GBP5: variants seen among roughly 807,000 people sequenced by gnomAD.
GBP5 encodes guanylate binding protein 5, also known as guanylate-binding protein 5.
GBP5 carries 48 observed loss-of-function variants against 58.2 expected under a neutral mutation model. That is an observed-to-expected ratio of 0.83 (90% CI 0.65 to 1.05). GBP5 has a LOEUF of 1.05. Ranked by LOEUF, GBP5 falls within the 50% of genes least tolerant of loss-of-function variation. The pLI, the probability that GBP5 is intolerant of heterozygous loss-of-function variation, is 0.00. For missense variants in GBP5, 714 were observed against 686.8 expected (o/e 1.04, Z -0.44); for synonymous variants, 248 against 251.8 (o/e 0.98, Z 0.14).
chr1:89,268,673 C>T lies in GBP5; in HGVS notation c.318+56G>A. 23 of 1,581,840 alleles carry T rather than the reference C, an allele frequency of 1.5e-5. 1 individual carries two copies. In the South Asian group the frequency reaches 2.5e-4, roughly 17 times the overall value. Reference sequence around the variant, plus strand: ...ATTTAGAAAAATAAACCTAAAATCTCCCTGTGAAAAGACAGTTCAGAGATT... The same window carrying T: ...ATTTAGAAAAATAAACCTAAAATCTTCCTGTGAAAAGACAGTTCAGAGATT... On this transcript the variant is annotated intron_variant, in intron 4 of 11. Transcript: ENST00000370459.
chr1:89,269,672 C>T (rs1351975093), intron 2 of GBP5, 98 bp from the exon 3 acceptor site: 4 of 697,896 alleles, frequency 5.7e-6, no homozygotes, highest in Middle Eastern at 3.4e-4. Flanking sequence ...ATACTACTCC[C>T]CAGCACTGCC....
chr1:89,265,247 GAGA>G (rs1350181850), intron 7 of GBP5, among the ~76,000 whole-genome samples: 1 of 152,154 alleles, frequency 6.6e-6, no homozygotes, highest in Admixed American at 6.5e-5. Context: ...ATGGAGAAAT[GAGA>G]AGATGATCAT....
chr1:89,264,936 T>C lies in GBP5; in HGVS notation c.899A>G (p.Asn300Ser), dbSNP rs1650153379. The part of the protein sequence containing the change: ...RLKNLVLTYV[N>S]AISSGDLPCI... ...AGGCAGATCCCCACTGCTGATGGCA[T>C]TGACATAGGTCAGCACCAGGTTCTT... Residue 300 changes from asparagine (N) to serine (S), a missense_variant, in exon 8 of 12, where the codon AAT becomes AGT. By Grantham distance (46) the Asn-to-Ser change is conservative. Transcript: ENST00000370459. The C allele has an allele frequency of 1.2e-6, 2 of 1,614,160 alleles. No homozygotes were observed. Among genetic ancestry groups the C allele is most frequent in the Non-Finnish European group, 1.7e-6 (2 of 1,179,972 alleles).
intron 2 of GBP5, chr1:89,270,281 T>A (rs1192224391): frequency 2.6e-5 from 4 of 152,300 alleles, no homozygotes; most frequent in African/African-American, 2.4e-5. Context: ...TTAAAAAAAA[T>A]GTTTGAGCTA....
intron 11 of GBP5, 149 bp downstream of exon 11, chr1:89,262,071 C>T: frequency 1.4e-6 from 1 of 715,762 alleles, no homozygotes; most frequent in Non-Finnish European, 2.4e-6. Context: ...CATATACTTA[C>T]TAAGAGGTGG....
At chr1:89,265,691 G>A (rs533557723) in intron 7 of GBP5, among the ~76,000 whole-genome samples, 2 of 132,552 alleles carry the variant, frequency 1.5e-5, no homozygotes, top group African/African-American at 5.9e-5. Context: ...TCGTGCCACT[G>A]CACTCCAGCC....
rs1259352877 is a variant in GBP5, at chr1:89,266,961, C to T, written c.621G>A (p.Lys207=). Residue 207 remains lysine, a synonymous_variant, in exon 6 of 12, where the codon AAG becomes AAA. Transcript: ENST00000370459. The part of the protein sequence containing the change: ...DEYLENSLRP[K]QGSDQRVQNF... ...TAAAACTGAAGTCCCTGTTACCTTG[C>T]TTTGGCCTTAGGGAATTCTCCAGGT... The T allele has an allele frequency of 6.3e-7, 1 of 1,595,244 alleles. No individual in the cohort carries two copies.
At chr1:89,262,866 A>G (rs1042731396) in intron 9 of GBP5, 81 bp from the exon 10 acceptor site, 2 of 852,632 alleles carry the variant, frequency 2.3e-6, no homozygotes, top group African/African-American at 1.7e-5. Context: ...TGTTCCTTCC[A>G]GCAGCATCTA....
intron 5 of GBP5, 54 bp from the exon 6 acceptor site, chr1:89,267,207 C>G: frequency 7.0e-7 from 1 of 1,421,486 alleles, no homozygotes; most frequent in Middle Eastern, 1.9e-4. Context: ...TAAACCCATA[C>G]TTAATTCCAT....
rs903153247 is a variant in GBP5, at chr1:89,258,490, T to C, written c.*2214A>G. 1.3e-5 allele frequency among the ~76,000 whole-genome samples: 2 copies of C among 152,220 alleles called. No individual in the cohort carries two copies. Among genetic ancestry groups the C allele is most frequent in the Non-Finnish European group, 2.9e-5 (2 of 68,046 alleles). The stretch of plus-strand genomic sequence containing the variant: ...AGGGTATTGCTAGACAAATGCTCAG[T>C]TGAATATGCTGGTACCTTCTGAACT... On this transcript the variant is annotated 3_prime_UTR_variant, in exon 12 of 12. Transcript: ENST00000370459.
intron 11 of GBP5, 68 bp from the exon 12 acceptor site, chr1:89,260,885 T>C: frequency 1.8e-6 from 2 of 1,109,970 alleles, no homozygotes; most frequent in Admixed American, 3.5e-5. Context: ...CACTTGTCCT[T>C]ACTTCTTTTC....
intron 3 of GBP5, 116 bp from the exon 4 acceptor site, chr1:89,268,972 C>A: frequency 2.9e-6 from 3 of 1,027,074 alleles, no homozygotes; most frequent in South Asian, 3.0e-5. Context: ...GAATGTACAA[C>A]CAGTATTGAT....
Position 89,257,510 on chromosome 1 carries a change from A to G in GBP5, c.*3194T>C, listed in dbSNP as rs1020185301. Among the ~76,000 whole-genome samples the G allele has an allele frequency of 2.0e-5, 3 of 152,194 alleles. No homozygotes were observed. Among genetic ancestry groups the G allele is most frequent in the African/African-American group, 7.2e-5 (3 of 41,440 alleles). On this transcript the variant is annotated 3_prime_UTR_variant, in exon 12 of 12. Transcript: ENST00000370459. ...TTATTAATGTGGGTTCTAAATTCAA[A>G]AGGCCTTCTGTGGTACTGACCTTAA...
intron 4 of GBP5, among the ~76,000 whole-genome samples, chr1:89,267,894 A>T (rs1029251722): frequency 6.6e-6 from 1 of 152,242 alleles, no homozygotes; most frequent in African/African-American, 2.4e-5. Flanking sequence ...ATTCTAAAAA[A>T]TAGTGCTGTG....
intron 6 of GBP5, 88 bp from the exon 7 acceptor site, chr1:89,266,676 G>A (rs964619279): frequency 4.1e-6 from 5 of 1,225,086 alleles, no homozygotes; most frequent in Non-Finnish European, 5.8e-6. Flanking sequence ...TCCACCTGAT[G>A]TCACTTAGAT....
rs909818619 is a variant in GBP5 at position 89,257,295 on chromosome 1, A to G, written c.*3409T>C. ...CAGGGGAATTGCCCTTTATGAAGCC[A>G]TCAGATCTCAGGCGACTTATTCACT... On this transcript the variant is annotated 3_prime_UTR_variant, in exon 12 of 12. Coordinates refer to ENST00000370459, the MANE Select transcript of GBP5 (RefSeq NM_052942.5). Among the ~76,000 whole-genome samples, 2 of 152,186 alleles carry G rather than the reference A, an allele frequency of 1.3e-5. No homozygotes were observed. The highest frequency in any genetic ancestry group is 2.9e-5 in the Non-Finnish European group (2 of 68,038).
In GBP5 at chr1:89,269,563, A is replaced by G. The variant is rs1650364480; in HGVS notation, c.-8T>C. On this transcript the variant is annotated 5_prime_UTR_variant, in exon 3 of 12. Transcript: ENST00000370459. ...GTGGATCTCTAAAGCCATGTCTAGG[A>G]TGTTACTTTGCCTGCAAGGGAACAG... is the stretch of plus-strand genomic sequence containing the variant. 1.2e-6 allele frequency: 2 copies of G among 1,604,908 alleles called. No homozygotes were observed. The highest frequency in any genetic ancestry group is 1.7e-6 in the Non-Finnish European group (2 of 1,172,494).
rs1352767657 is a variant in GBP5 at position 89,260,757 on chromosome 1, G to T, written c.1708C>A (p.Leu570Ile). ...TTAACAGTCCTCTGGGCGTGCTGGA[G>T]CTCACTGAGAAGGCTTCTATTTTGA... Reference protein sequence around the residue: ...QAQNRSLLSELQHAQRTVNND... With the variant: ...QAQNRSLLSEIQHAQRTVNND... Residue 570 changes from leucine to isoleucine, a missense_variant, in exon 12 of 12, where the codon CTC (leucine) becomes ATC (isoleucine). By Grantham distance (5) the Leu-to-Ile change is conservative (BLOSUM62 2). Transcript: ENST00000370459. 6.2e-7 allele frequency: 1 copy of T among 1,613,948 alleles called. No homozygotes were observed. The highest frequency in any genetic ancestry group is 8.5e-7 in the Non-Finnish European group (1 of 1,179,958).
chr1:89,266,417 T>G lies in GBP5; in HGVS notation c.797A>C (p.Glu266Ala). Residue 266 changes from glutamate to alanine, a missense_variant, in exon 7 of 12, where the codon GAA (glutamate) becomes GCA (alanine). Glu to Ala is a moderately radical substitution (Grantham distance 107, BLOSUM62 -1). Coordinates refer to ENST00000370459, the MANE Select transcript of GBP5 (RefSeq NM_052942.5). ...LEPEFVQQVT[E>A]FCSYIFSHSM... The stretch of plus-strand genomic sequence containing the variant: ...ATGGCTAAAGATGTAGGAACAGAAT[T>G]CTGTCACTTGTTGCACAAATTCAGG... 1 of 1,614,104 alleles carries G rather than the reference T, an allele frequency of 6.2e-7. No homozygotes were observed. The highest frequency in any genetic ancestry group is 8.5e-7 in the Non-Finnish European group (1 of 1,179,938).
Sources: gnomAD v4.1 joint callset for allele counts (sites outside exome capture counted in the v4.1 genomes callset) on GRCh38, gnomAD v4.1.1 for gene constraint, MANE v1.5 for transcripts, NCBI Gene and HGNC (gene_info 2026-07-23, HGNC 2026-07-21) for gene names.